TANC2: variants seen among roughly 807,000 people sequenced by gnomAD.
The protein encoded by TANC2 is protein TANC2.
A neutral mutation model predicts 210.5 loss-of-function variants in TANC2; 26 were observed. That is an observed-to-expected ratio of 0.12 (90% CI 0.09 to 0.17). TANC2 has a LOEUF of 0.17. TANC2 is among the 10% of genes least tolerant of loss of function. The pLI is 1.00. For synonymous variants in TANC2, 931 were observed against 967.1 expected, an observed-to-expected ratio of 0.96 and a Z score of 0.69; for missense variants, 2,129 against 2,608.9, an observed-to-expected ratio of 0.82 and a Z score of 4.01.
intron 2 of TANC2, among the ~76,000 whole-genome samples, chr17:63,011,882 A>T (rs891792972): frequency 2.0e-5 from 3 of 151,864 alleles, no homozygotes; most frequent in East Asian, 1.9e-4. Context: ...CTCTTAAGAA[A>T]GTCTTTGGTC....
intron 5 of TANC2, among the ~76,000 whole-genome samples, chr17:63,179,954 T>C (rs1179798907): frequency 2.2e-5 from 3 of 137,150 alleles, no homozygotes; most frequent in African/African-American, 5.6e-5. Context: ...CTGGGCAACA[T>C]AGGGAGACTA....
chr17:63,138,446 A>C (rs917802524), intron 4 of TANC2, among the ~76,000 whole-genome samples: 2 of 152,204 alleles, frequency 1.3e-5, no homozygotes, highest in Non-Finnish European at 2.9e-5. Context: ...AGTCTTTCTC[A>C]AACAGTTCAT....
At chr17:63,123,800 T>G (rs961581565) in intron 4 of TANC2, among the ~76,000 whole-genome samples, 5 of 141,256 alleles carry the variant, frequency 3.5e-5, no homozygotes, top group Admixed American at 2.2e-4. Context: ...CCTCCTGAGT[T>G]CAAGCAATTC....
intron 3 of TANC2, among the ~76,000 whole-genome samples, chr17:63,077,843 A>G (rs935713670): frequency 3.4e-4 from 51 of 152,204 alleles, no homozygotes; most frequent in Non-Finnish European, 7.4e-4. Flanking sequence ...GATAGGAAAC[A>G]ATGCTCTAAA....
chr17:63,102,745 G>C (rs890940369), intron 4 of TANC2, among the ~76,000 whole-genome samples: 2 of 151,848 alleles, frequency 1.3e-5, no homozygotes, highest in Non-Finnish European at 2.9e-5. Flanking sequence ...AATCTTGTTG[G>C]CATGTATGTA....
chr17:63,298,473 A>G (rs2044606428), intron 9 of TANC2, among the ~76,000 whole-genome samples: 2 of 152,246 alleles, frequency 1.3e-5, no homozygotes, highest in South Asian at 4.1e-4. Context: ...TGAGATATCC[A>G]AATAAGGAAA....
intron 7 of TANC2, among the ~76,000 whole-genome samples, chr17:63,219,744 C>T (rs536273741): frequency 1.1e-3 from 160 of 152,158 alleles, no homozygotes; most frequent in African/African-American, 3.7e-3. Context: ...AACAAGCTAG[C>T]ACTGTATACC....
At chr17:63,018,071 T>C (rs892023169) in intron 2 of TANC2, among the ~76,000 whole-genome samples, 2 of 151,958 alleles carry the variant, frequency 1.3e-5, no homozygotes, top group Non-Finnish European at 2.9e-5. Flanking sequence ...GAGGTTACAG[T>C]GAACTGCTAA....
intron 14 of TANC2, among the ~76,000 whole-genome samples, chr17:63,369,415 T>C (rs2047199708): frequency 6.6e-6 from 1 of 152,186 alleles, no homozygotes; most frequent in South Asian, 2.1e-4. Flanking sequence ...TGGTTTGGAA[T>C]AGACAGGCTT....
chr17:63,018,528 A>G (rs1327610970), intron 2 of TANC2, among the ~76,000 whole-genome samples: 2 of 151,980 alleles, frequency 1.3e-5, no homozygotes, highest in East Asian at 1.9e-4. Flanking sequence ...AAATAAAACA[A>G]AAAAAGGAAT....
chr17:63,351,108 A>G (rs1245835360), intron 12 of TANC2, 142 bp from the exon 13 acceptor site: 1 of 740,714 alleles, frequency 1.4e-6, no homozygotes, highest in Admixed American at 3.4e-5. Context: ...CCTTAGAATA[A>G]ATTATGTACC....
intron 2 of TANC2, among the ~76,000 whole-genome samples, chr17:63,037,161 G>C (rs2035006651): frequency 6.6e-6 from 1 of 151,952 alleles, no homozygotes; most frequent in South Asian, 2.1e-4. Context: ...GTGATCTGTT[G>C]ATCTGATAAC....
intron 15 of TANC2, among the ~76,000 whole-genome samples, chr17:63,381,954 C>T (rs935955949): frequency 6.6e-6 from 1 of 152,182 alleles, no homozygotes; most frequent in Non-Finnish European, 1.5e-5. Flanking sequence ...ATAAAATTCT[C>T]TTTAAGAAAC....
chr17:63,301,546 AT>A (rs1360226841), intron 9 of TANC2, among the ~76,000 whole-genome samples: 2 of 152,038 alleles, frequency 1.3e-5, no homozygotes, highest in Non-Finnish European at 2.9e-5. Flanking sequence ...TTTCTTCTAG[AT>A]TTTGTAGTTT....
intron 9 of TANC2, among the ~76,000 whole-genome samples, chr17:63,293,943 C>T (rs1220829837): frequency 6.6e-6 from 1 of 152,004 alleles, no homozygotes; most frequent in African/African-American, 2.4e-5. Flanking sequence ...TATCCAGGCT[C>T]ATCTTAAACT....
At chr17:63,256,257 C>T (rs2043192786) in intron 8 of TANC2, among the ~76,000 whole-genome samples, 1 of 152,160 alleles carries the variant, frequency 6.6e-6, no homozygotes, top group African/African-American at 2.4e-5. Context: ...CCTCTTAATA[C>T]TGCTTTCACT....
chr17:63,062,658 C>T (rs908357741), intron 2 of TANC2, among the ~76,000 whole-genome samples: 3 of 152,182 alleles, frequency 2.0e-5, no homozygotes, highest in Non-Finnish European at 4.4e-5. Context: ...CAGCCCCCTC[C>T]TCCCCATTTT....
In TANC2 at chr17:63,199,511, C is replaced by G. The variant is rs963886893; in HGVS notation, c.583-1260C>G. On this transcript the variant is annotated intron_variant, in intron 6 of 27. Coordinates refer to ENST00000689528, the Ensembl canonical transcript of TANC2. Reference sequence around the variant, plus strand: ...TTTGGCGGCTGTAATCCCAGCTACTCGGAAGGCTGAGGCAGGAGAATCACT... The same window carrying G: ...TTTGGCGGCTGTAATCCCAGCTACTGGGAAGGCTGAGGCAGGAGAATCACT... Among the ~76,000 whole-genome samples, 9 of 151,370 alleles carry G rather than the reference C, an allele frequency of 5.9e-5. 1 individual carries two copies. The East Asian group carries it at 7.8e-4, about 13-fold the overall frequency.
At chr17:63,297,891 G>A (rs1236795532) in intron 9 of TANC2, among the ~76,000 whole-genome samples, 1 of 151,956 alleles carries the variant, frequency 6.6e-6, no homozygotes, top group Non-Finnish European at 1.5e-5. Context: ...ATTTAAAAAT[G>A]AATAAATGAC....
Sources: allele counts gnomAD v4.1 joint callset (sites outside exome capture counted in the v4.1 genomes callset), GRCh38; gene constraint gnomAD v4.1.1; transcripts MANE v1.5; gene names NCBI Gene and HGNC (gene_info 2026-07-23, HGNC 2026-07-21).